RUNX1T1: variants seen among roughly 807,000 people sequenced by gnomAD.
RUNX1T1 encodes protein CBFA2T1.
In RUNX1T1, 4 loss-of-function variants were observed where a neutral mutation model predicts 62.8. That is an observed-to-expected ratio of 0.06 (90% CI 0.03 to 0.15). The LOEUF (loss-of-function observed/expected upper bound fraction) is 0.15, where lower values mean the gene tolerates loss of function less well. Ranked by LOEUF, RUNX1T1 falls within the 10% of genes least tolerant of loss-of-function variation. The probability of loss-of-function intolerance (pLI) is 1.00; values close to 1 mark genes in which losing one functional copy is unlikely to be tolerated. For missense variants in RUNX1T1, 508 were observed against 754.3 expected (o/e 0.67, Z 3.82); for synonymous variants, 291 against 286.0 (o/e 1.02, Z -0.18).
downstream of RUNX1T1, chr8:91,955,636 A>C (rs1809246814): frequency 4.4e-6 from 1 of 225,694 alleles, no homozygotes; most frequent in Non-Finnish European, 8.8e-6. Flanking sequence ...CTCCCATGTA[A>C]CCAGCATTCA....
intron 1 of RUNX1T1, among the ~76,000 whole-genome samples, chr8:92,094,302 G>A (rs1288980301): frequency 2.0e-5 from 3 of 152,196 alleles, no homozygotes; most frequent in African/African-American, 7.2e-5. Flanking sequence ...TTGACAATGT[G>A]TAGAAGGCAA....
chr8:91,964,086 C>T (rs554774799), intron 10 of RUNX1T1, among the ~76,000 whole-genome samples: 4 of 152,250 alleles, frequency 2.6e-5, no homozygotes, highest in African/African-American at 4.8e-5. Context: ...TGGCTGAACA[C>T]GAACCTCCCC....
chr8:92,045,443 T>C (rs1172132481), intron 1 of RUNX1T1, among the ~76,000 whole-genome samples: 3 of 152,170 alleles, frequency 2.0e-5, no homozygotes, highest in Non-Finnish European at 2.9e-5. Context: ...ATCAGTGAGA[T>C]TATTCTTTCT....
intron 2 of RUNX1T1, among the ~76,000 whole-genome samples, chr8:92,070,494 A>G (rs1833510399): frequency 6.6e-6 from 1 of 152,350 alleles, no homozygotes; most frequent in African/African-American, 2.4e-5. Context: ...CGCTGTGCAT[A>G]ATAGATCACG....
At chr8:91,956,350 T>C (rs1315476549), downstream of RUNX1T1, 2 of 230,620 alleles carry the variant, frequency 8.7e-6, no homozygotes, top group East Asian at 1.2e-4. Context: ...TCAACACGCA[T>C]GGATAAGCCA....
chr8:91,982,836 T>A (rs1815645754), intron 8 of RUNX1T1, among the ~76,000 whole-genome samples: 1 of 151,928 alleles, frequency 6.6e-6, no homozygotes, highest in African/African-American at 2.4e-5. Context: ...AATACCATTA[T>A]GAATTCAGTG....
intron 1 of RUNX1T1, among the ~76,000 whole-genome samples, chr8:92,061,285 A>G (rs1190851470): frequency 2.0e-5 from 3 of 152,246 alleles, no homozygotes; most frequent in African/African-American, 7.2e-5. Flanking sequence ...CATAAAAATC[A>G]GATAAATGTG....
At chr8:91,976,912 C>T (rs1458448984) in intron 8 of RUNX1T1, among the ~76,000 whole-genome samples, 1 of 152,138 alleles carries the variant, frequency 6.6e-6, no homozygotes, top group East Asian at 1.9e-4. Context: ...TTAATAAGCC[C>T]ATGATAAATT....
chr8:91,961,512 G>A (rs1463615964), intron 10 of RUNX1T1, among the ~76,000 whole-genome samples: 2 of 152,166 alleles, frequency 1.3e-5, no homozygotes, highest in Non-Finnish European at 2.9e-5. Context: ...AGAAAAGTGG[G>A]ACTGAGGCTG....
intron 3 of RUNX1T1, among the ~76,000 whole-genome samples, chr8:92,012,617 C>G (rs899864207): frequency 6.6e-6 from 1 of 152,118 alleles, no homozygotes; most frequent in Admixed American, 6.6e-5. Context: ...ATTTTCTTAA[C>G]TCCACCTAAG....
In RUNX1T1 at chr8:91,961,761, T is replaced by C. The variant is rs78697023; in HGVS notation, c.1459-1244A>G. Among the ~76,000 whole-genome samples, 694 of 152,338 alleles carry C rather than the reference T, an allele frequency of 4.6e-3. 6 individuals are homozygous for C. Among genetic ancestry groups the C allele is most frequent in the African/African-American group, 0.016 (664 of 41,576 alleles). On this transcript the variant is annotated intron_variant, in intron 10 of 10. Coordinates refer to ENST00000396218, the Ensembl canonical transcript of RUNX1T1. Reference sequence around the variant, plus strand: ...CCGATCCCATTATGCAAAACTGTAGTAAGTAATCTTAGCTTTATGTCATTC... The same window carrying C: ...CCGATCCCATTATGCAAAACTGTAGCAAGTAATCTTAGCTTTATGTCATTC...
chr8:92,011,371 G>C (rs764636404), intron 3 of RUNX1T1, among the ~76,000 whole-genome samples: 1 of 152,188 alleles, frequency 6.6e-6, no homozygotes, highest in Non-Finnish European at 1.5e-5. Flanking sequence ...TATCAGAGAA[G>C]TCTTTGCAAT....
At chr8:92,049,830 A>G (rs1273078235) in intron 1 of RUNX1T1, among the ~76,000 whole-genome samples, 1 of 152,198 alleles carries the variant, frequency 6.6e-6, no homozygotes, top group Admixed American at 6.5e-5. Flanking sequence ...TACCTCATAG[A>G]CTATGAAAAT....
At chr8:92,014,391 T>C (rs995634319) in intron 3 of RUNX1T1, among the ~76,000 whole-genome samples, 188 bp downstream of exon 4, 5 of 152,136 alleles carry the variant, frequency 3.3e-5, no homozygotes, top group Non-Finnish European at 7.4e-5. Context: ...AAAAAAACTC[T>C]GGTGGGGTCA....
At chr8:92,089,504 C>T (rs762994267) in intron 1 of RUNX1T1, among the ~76,000 whole-genome samples, 3 of 152,008 alleles carry the variant, frequency 2.0e-5, no homozygotes, top group East Asian at 3.9e-4. Flanking sequence ...CCAAGTGAAG[C>T]GAGTCCAAAC....
chr8:92,010,865 T>C (rs1563748900), intron 4 of RUNX1T1, 137 bp downstream of exon 5: 1 of 553,798 alleles, frequency 1.8e-6, no homozygotes, highest in East Asian at 2.8e-5. Context: ...GAAATGGTCA[T>C]AAATACAATC....
chr8:91,977,259 T>C (rs1814170244), intron 8 of RUNX1T1: 1 of 194,788 alleles, frequency 5.1e-6, no homozygotes, highest in Admixed American at 6.1e-5. Context: ...ATATCATCTT[T>C]GCAATTTTTT....
intron 1 of RUNX1T1, among the ~76,000 whole-genome samples, chr8:92,035,274 G>A (rs966732912): frequency 7.6e-4 from 100 of 131,322 alleles, no homozygotes; most frequent in Non-Finnish European, 9.2e-4. Context: ...CCGTCTGAGC[G>A]ATAAGAGTGA....
intron 1 of RUNX1T1, among the ~76,000 whole-genome samples, chr8:92,049,802 G>A (rs557005753): frequency 1.3e-5 from 2 of 152,224 alleles, no homozygotes; most frequent in South Asian, 4.1e-4. Flanking sequence ...TCTACAGAAA[G>A]TTTGAGAAGC....
Sources: gnomAD v4.1 joint callset for allele counts (sites outside exome capture counted in the v4.1 genomes callset) on GRCh38, gnomAD v4.1.1 for gene constraint, MANE v1.5 for transcripts, NCBI Gene and HGNC (gene_info 2026-07-23, HGNC 2026-07-21) for gene names.